The following IDO2 variants were observed in gnomAD, a reference collection of about 807,000 sequenced individuals.
IDO2 encodes indoleamine 2,3-dioxygenase 2.
In IDO2, 46 loss-of-function variants were observed where a neutral mutation model predicts 45.1. That is an observed-to-expected ratio of 1.02 (90% confidence interval 0.80 to 1.30). The LOEUF is 1.30. Ranked by LOEUF, IDO2 falls within the 50% of genes most tolerant of loss-of-function variation. The probability of loss-of-function intolerance (pLI) is 0.00; values close to 1 mark genes in which losing one functional copy is unlikely to be tolerated. For synonymous variants in IDO2, 218 were observed against 184.9 expected, an observed-to-expected ratio of 1.18 and a Z score of -1.45; for missense variants, 544 against 491.8, an observed-to-expected ratio of 1.11 and a Z score of -1.00.
intron 3 of IDO2, among the ~76,000 whole-genome samples, chr8:39,967,057 A>T (rs1808095585): frequency 6.6e-6 from 1 of 152,214 alleles, no homozygotes; most frequent in Non-Finnish European, 1.5e-5. Context: ...TATAAACCTA[A>T]CAAATTCAGT....
At chr8:40,002,085 C>A (rs983026896) in intron 8 of IDO2, among the ~76,000 whole-genome samples, 12 of 151,968 alleles carry the variant, frequency 7.9e-5, no homozygotes, top group Non-Finnish European at 1.8e-4. Flanking sequence ...CATGCCTGGC[C>A]CATAAATACA....
At chr8:39,968,911 A>G (rs539757981) in intron 3 of IDO2, among the ~76,000 whole-genome samples, 1 of 152,132 alleles carries the variant, frequency 6.6e-6, no homozygotes, top group Non-Finnish European at 1.5e-5. Context: ...AACAAACAAC[A>G]ACACCTAACT....
At chr8:40,015,469 A>G in exon 11 of IDO2, 2 of 1,614,002 alleles carry the variant, frequency 1.2e-6, no homozygotes, top group South Asian at 1.1e-5. Context: ...AAGGCAAAGC[A>G]TGGGAAGCCA....
At chr8:40,001,673 C>T (rs558637744) in intron 8 of IDO2, among the ~76,000 whole-genome samples, 6 of 151,882 alleles carry the variant, frequency 4.0e-5, no homozygotes, top group Non-Finnish European at 8.8e-5. Flanking sequence ...TGTCTTATGC[C>T]TTTTGAAAGT....
intron 4 of IDO2, among the ~76,000 whole-genome samples, chr8:39,981,253 C>T (rs779015713): frequency 7.3e-5 from 11 of 151,612 alleles, no homozygotes; most frequent in African/African-American, 1.2e-4. Flanking sequence ...GTAAAGACGG[C>T]GTTTCACCAT....
At chr8:39,952,136 A>G (rs1483438891) in intron 2 of IDO2, among the ~76,000 whole-genome samples, 1 of 152,184 alleles carries the variant, frequency 6.6e-6, no homozygotes, top group Non-Finnish European at 1.5e-5. Context: ...TAGCAGACGG[A>G]CATTTTCATC....
chr8:39,934,906 T>C, exon 1 of IDO2: 1 of 547,118 alleles, frequency 1.8e-6, no homozygotes, highest in Non-Finnish European at 3.3e-6. Context: ...AAGGGATCAT[T>C]TGCTGGTGTC....
At chr8:40,006,151 C>T (rs1045045357) in intron 9 of IDO2, among the ~76,000 whole-genome samples, 2 of 152,178 alleles carry the variant, frequency 1.3e-5, no homozygotes, top group African/African-American at 4.8e-5. Context: ...TAGTCCCCAA[C>T]TCAATACAGT....
chr8:39,991,965 C>T (rs923545591), intron 8 of IDO2, among the ~76,000 whole-genome samples: 3 of 152,238 alleles, frequency 2.0e-5, no homozygotes, highest in African/African-American at 7.2e-5. Context: ...AGGGCTACCG[C>T]CCTTGTTTTC....
At chr8:39,948,819 C>A (rs1273134378) in intron 1 of IDO2, among the ~76,000 whole-genome samples, 1 of 152,138 alleles carries the variant, frequency 6.6e-6, no homozygotes, top group Non-Finnish European at 1.5e-5. Context: ...GTTTGATAAA[C>A]CACAACCACA....
rs7842669 is a variant in IDO2, at chr8:40,008,706, A to T, written c.719+3328A>T. On this transcript the variant is annotated intron_variant, in intron 9 of 10. Transcript: ENST00000502986. ...TGTCAGAAGCATCTGATGAGGATGA[A>T]CTATATATTCTGAAATCCCCATGAT... 7.0e-3 allele frequency among the ~76,000 whole-genome samples: 1,066 copies of T among 152,346 alleles called. 9 individuals are homozygous for T. Among genetic ancestry groups the T allele is most frequent in the African/African-American group, 0.025 (1,022 of 41,580 alleles).
intron 1 of IDO2, among the ~76,000 whole-genome samples, chr8:39,946,267 G>A (rs986808044): frequency 2.0e-5 from 3 of 152,128 alleles, no homozygotes; most frequent in African/African-American, 4.8e-5. Flanking sequence ...TCTCTGACCC[G>A]TCAGCACTCC....
intron 8 of IDO2, among the ~76,000 whole-genome samples, chr8:39,991,820 C>T (rs555686229): frequency 1.3e-5 from 2 of 152,320 alleles, no homozygotes; most frequent in South Asian, 4.1e-4. Flanking sequence ...ATCTGCCTAC[C>T]TTGGCCTCCC....
intron 1 of IDO2, among the ~76,000 whole-genome samples, chr8:39,946,323 C>T (rs1350971380): frequency 6.6e-6 from 1 of 152,226 alleles, no homozygotes; most frequent in Non-Finnish European, 1.5e-5. Flanking sequence ...CTTAAAAACT[C>T]TGCTCCCACT....
chr8:39,971,063 C>T (rs1020066674), intron 3 of IDO2, among the ~76,000 whole-genome samples: 11 of 152,132 alleles, frequency 7.2e-5, no homozygotes, highest in East Asian at 3.9e-4. Context: ...TGCGCCCGGC[C>T]CAGGACTTTC....
At chr8:40,002,481 T>C (rs1453771712) in intron 8 of IDO2, among the ~76,000 whole-genome samples, 2 of 152,168 alleles carry the variant, frequency 1.3e-5, no homozygotes, top group East Asian at 3.9e-4. Flanking sequence ...TAGAATCATC[T>C]AGCCAAGTTC....
intron 8 of IDO2, chr8:39,998,108 C>A (rs946027737): frequency 2.8e-5 from 6 of 216,206 alleles, no homozygotes; most frequent in African/African-American, 6.9e-5. Context: ...ACTGTCAAAG[C>A]CTATGGTAGA....
intron 8 of IDO2, among the ~76,000 whole-genome samples, chr8:39,996,496 T>C (rs1802048686): frequency 1.3e-5 from 2 of 152,166 alleles, no homozygotes; most frequent in Non-Finnish European, 1.5e-5. Flanking sequence ...GCCTTGTATC[T>C]AATAAATAAC....
intron 1 of IDO2, among the ~76,000 whole-genome samples, chr8:39,942,567 G>A (rs984244609): frequency 6.6e-6 from 1 of 152,154 alleles, no homozygotes; most frequent in African/African-American, 2.4e-5. Context: ...TTGAACCTGG[G>A]AGGTAGAGGT....
Sources: gnomAD v4.1 joint callset for allele counts (sites outside exome capture counted in the v4.1 genomes callset) on GRCh38, gnomAD v4.1.1 for gene constraint, MANE v1.5 for transcripts, NCBI Gene and HGNC (gene_info 2026-07-23, HGNC 2026-07-21) for gene names.